The following PTPRD variants were observed in gnomAD, a reference collection of about 807,000 sequenced individuals.
PTPRD encodes the protein protein tyrosine phosphatase receptor type D.
PTPRD carries 34 observed loss-of-function variants against 214.5 expected under a neutral mutation model. The ratio of observed to expected loss-of-function variants is 0.16; its 90% CI spans 0.12 to 0.21. PTPRD has a LOEUF of 0.21. Ranked by LOEUF, PTPRD falls within the 10% of genes least tolerant of loss-of-function variation. The pLI, the probability that PTPRD is intolerant of heterozygous loss-of-function variation, is 1.00. For synonymous variants in PTPRD, 1,128 were observed against 845.7 expected, an observed-to-expected ratio of 1.33 and a Z score of -5.79; for missense variants, 2,545 against 2,398.7, an observed-to-expected ratio of 1.06 and a Z score of -1.27.
At chr9:10,576,311 C>T (rs1469940252) in intron 2 of PTPRD, among the ~76,000 whole-genome samples, 2 of 152,088 alleles carry the variant, frequency 1.3e-5, no homozygotes, top group Non-Finnish European at 2.9e-5. Flanking sequence ...CTGGGATATA[C>T]TGTGACTTTG....
intron 39 of PTPRD, 99 bp downstream of exon 39, chr9:8,375,837 A>C (rs2083080946): frequency 7.3e-7 from 1 of 1,368,404 alleles, no homozygotes; most frequent in African/African-American, 1.5e-5. Context: ...ATTTATGAAG[A>C]CATTTACTAT....
chr9:10,206,884 CA>C (rs1334666866), intron 3 of PTPRD, among the ~76,000 whole-genome samples: 6 of 151,978 alleles, frequency 3.9e-5, no homozygotes, highest in Non-Finnish European at 8.8e-5. Context: ...ACCAAGAAAA[CA>C]CATACCAATA....
chr9:8,690,210 C>A (rs935863588), intron 12 of PTPRD, among the ~76,000 whole-genome samples: 19 of 151,854 alleles, frequency 1.3e-4, no homozygotes, highest in Non-Finnish European at 2.4e-4. Flanking sequence ...ACATATATGA[C>A]TTTACATAAT....
chr9:8,926,217 A>G (rs1282736841), intron 11 of PTPRD, among the ~76,000 whole-genome samples: 1 of 152,070 alleles, frequency 6.6e-6, no homozygotes, highest in Admixed American at 6.6e-5. Context: ...TTATCAACTC[A>G]GCTTCTACTT....
intron 10 of PTPRD, among the ~76,000 whole-genome samples, chr9:9,102,787 T>C (rs1224433140): frequency 1.3e-5 from 2 of 152,094 alleles, no homozygotes; most frequent in Non-Finnish European, 2.9e-5. Flanking sequence ...CTGGTAGAGA[T>C]TTTTTCTCAA....
At chr9:8,900,252 T>A (rs1295706408) in intron 11 of PTPRD, among the ~76,000 whole-genome samples, 2 of 152,218 alleles carry the variant, frequency 1.3e-5, no homozygotes, top group Non-Finnish European at 2.9e-5. Context: ...TTTTAATGTA[T>A]CAAAATGTAT....
intron 3 of PTPRD, among the ~76,000 whole-genome samples, chr9:10,195,675 T>C (rs1477001640): frequency 6.6e-6 from 1 of 152,072 alleles, no homozygotes; most frequent in African/African-American, 2.4e-5. Context: ...TAATTCAAGG[T>C]TATTTGCAAA....
At chr9:9,660,317 T>C (rs73390941) in intron 7 of PTPRD, among the ~76,000 whole-genome samples, 9,241 of 151,952 alleles carry the variant, frequency 0.061, 867 homozygotes, top group African/African-American at 0.2. Flanking sequence ...CTGTGAAGAA[T>C]AGACTATAGG....
At chr9:8,966,881 A>G (rs1414516223) in intron 11 of PTPRD, among the ~76,000 whole-genome samples, 1 of 151,938 alleles carries the variant, frequency 6.6e-6, no homozygotes, top group African/African-American at 2.4e-5. Context: ...AATATCCAGA[A>G]TCTATAAGGA....
rs201960011 is a variant in PTPRD at position 8,465,553 on chromosome 9, C to T, written c.3627G>A (p.Lys1209=). The T allele has an allele frequency of 4.3e-6, 7 of 1,612,624 alleles. No homozygotes were observed. The East Asian group carries it at 8.9e-5, about 21-fold the overall frequency. ...LPTEFTLGDD[K]HYGGFTNKQL... ...GCTTGTTTGTAAATCCACCATAATG[C>T]TTGTCATCCCCCAGGGTGAACTCAG... The change falls in exon 32 of 46, where the codon AAG becomes AAA. Residue 1209 remains lysine, a synonymous_variant. Coordinates refer to ENST00000381196, the MANE Select transcript of PTPRD (RefSeq NM_002839.4).
intron 9 of PTPRD, among the ~76,000 whole-genome samples, chr9:9,251,181 T>C (rs1278834645): frequency 6.6e-6 from 1 of 152,058 alleles, no homozygotes; most frequent in African/African-American, 2.4e-5. Context: ...TTGCCAGCAA[T>C]AGATCCCAGG....
chr9:8,913,116 C>G (rs2098759312), intron 11 of PTPRD, among the ~76,000 whole-genome samples: 2 of 151,078 alleles, frequency 1.3e-5, no homozygotes, highest in African/African-American at 2.5e-5. Context: ...ACATAAATAC[C>G]ACAGAATTTT....
chr9:9,832,112 C>G (rs770765589), intron 5 of PTPRD, among the ~76,000 whole-genome samples: 8 of 151,970 alleles, frequency 5.3e-5, no homozygotes, highest in Non-Finnish European at 1.0e-4. Context: ...TGCCTATAAT[C>G]TTGAAAAATG....
At chr9:9,495,077 T>C (rs1413009727) in intron 8 of PTPRD, among the ~76,000 whole-genome samples, 1 of 152,054 alleles carries the variant, frequency 6.6e-6, no homozygotes, top group Non-Finnish European at 1.5e-5. Context: ...CTATAGTCTT[T>C]TCAATAAATG....
chr9:8,536,459 G>T (rs1041272931), intron 14 of PTPRD, among the ~76,000 whole-genome samples: 3 of 151,720 alleles, frequency 2.0e-5, no homozygotes. Flanking sequence ...GTATATATGT[G>T]TGTGTGTATA....
chr9:8,404,811 T>C (rs2092802833), intron 35 of PTPRD, 151 bp from the exon 36 acceptor site: 4 of 948,016 alleles, frequency 4.2e-6, no homozygotes, highest in East Asian at 2.7e-5. Flanking sequence ...TGAACACTAA[T>C]GTAACCAGCA....
intron 10 of PTPRD, among the ~76,000 whole-genome samples, chr9:9,069,525 G>A (rs886693726): frequency 7.2e-5 from 11 of 152,154 alleles, no homozygotes; most frequent in African/African-American, 2.4e-4. Context: ...AGCAAGAAGA[G>A]TTATCATGAT....
chr9:9,937,752 C>G (rs528307885), intron 5 of PTPRD, among the ~76,000 whole-genome samples: 6 of 152,112 alleles, frequency 3.9e-5, no homozygotes, highest in African/African-American at 9.6e-5. Flanking sequence ...GTGAATTACC[C>G]ATAAGTTATG....
intron 9 of PTPRD, among the ~76,000 whole-genome samples, chr9:9,324,139 G>A (rs984498370): frequency 4.6e-5 from 7 of 152,088 alleles, no homozygotes; most frequent in African/African-American, 1.4e-4. Flanking sequence ...GAATAGTGTT[G>A]CAATAAACAT....
Sources: gnomAD v4.1 joint callset for allele counts (sites outside exome capture counted in the v4.1 genomes callset) on GRCh38, gnomAD v4.1.1 for gene constraint, MANE v1.5 for transcripts, NCBI Gene and HGNC (gene_info 2026-07-23, HGNC 2026-07-21) for gene names.